Variants in PDZD2 observed in about 807,000 individuals in gnomAD.
PDZD2 encodes the protein PDZ domain-containing protein 2.
A neutral mutation model predicts 220.7 loss-of-function variants in PDZD2; 90 were observed. That is an observed-to-expected ratio of 0.41 (90% CI 0.34 to 0.49). The LOEUF (loss-of-function observed/expected upper bound fraction) is 0.49, where lower values mean the gene tolerates loss of function less well. Among genes scored for constraint, PDZD2 ranks in the 20% least tolerant of loss-of-function variants. The pLI, the probability that PDZD2 is intolerant of heterozygous loss-of-function variation, is 0.28. For missense variants in PDZD2, 3,174 were observed against 3,608.5 expected (o/e 0.88, Z 3.08); for synonymous variants, 1,375 against 1,450.5 (o/e 0.95, Z 1.18).
chr5:31,685,492 C>T (rs181093899), intron 1 of PDZD2, among the ~76,000 whole-genome samples: 17 of 152,244 alleles, frequency 1.1e-4, no homozygotes, highest in South Asian at 2.1e-4. Flanking sequence ...CTGCCTCGTC[C>T]GCATGCATAC....
At chr5:31,821,676 G>C in intron 2 of PDZD2, among the ~76,000 whole-genome samples, 1 of 152,136 alleles carries the variant, frequency 6.6e-6, no homozygotes, top group Non-Finnish European at 1.5e-5. Context: ...ACTGTGCCCG[G>C]CCATGATTTT....
chr5:31,923,761 G>A (rs1232472776), intron 2 of PDZD2, among the ~76,000 whole-genome samples: 1 of 152,220 alleles, frequency 6.6e-6, no homozygotes, highest in Non-Finnish European at 1.5e-5. Flanking sequence ...TACACTTGCA[G>A]TAAGTCACAG....
At chr5:31,929,782 A>C (rs72757984) in intron 2 of PDZD2, among the ~76,000 whole-genome samples, 1 of 151,786 alleles carries the variant, frequency 6.6e-6, no homozygotes, top group African/African-American at 2.4e-5. Context: ...TAGCATGACT[A>C]TCTGTGGGTT....
At chr5:31,757,453 G>C (rs960288310) in intron 1 of PDZD2, among the ~76,000 whole-genome samples, 1 of 152,042 alleles carries the variant, frequency 6.6e-6, no homozygotes, top group Admixed American at 6.6e-5. Context: ...TTAGCCGGGC[G>C]TGGTGGCGGA....
intron 6 of PDZD2, among the ~76,000 whole-genome samples, chr5:32,017,109 G>A (rs1474978159): frequency 1.3e-5 from 2 of 152,122 alleles, no homozygotes; most frequent in Non-Finnish European, 2.9e-5. Context: ...AGCTTTGGTC[G>A]CCTTCCACTG....
chr5:32,009,358 T>A (rs911677057), intron 5 of PDZD2, among the ~76,000 whole-genome samples: 11 of 150,728 alleles, frequency 7.3e-5, no homozygotes, highest in African/African-American at 2.4e-4. Context: ...AAATAAAAAT[T>A]AAAATTAAAA....
At chr5:31,908,077 C>T (rs1300187042) in intron 2 of PDZD2, among the ~76,000 whole-genome samples, 1 of 97,534 alleles carries the variant, frequency 1.0e-5, no homozygotes, top group East Asian at 2.5e-4. Context: ...AGCCAGGCTC[C>T]GTCTCAAAAA....
intron 7 of PDZD2, among the ~76,000 whole-genome samples, chr5:32,042,229 T>A (rs1756242272): frequency 6.9e-6 from 1 of 144,770 alleles, no homozygotes; most frequent in Non-Finnish European, 1.5e-5. Flanking sequence ...ACCACTGCAC[T>A]CCAGCCTGGG....
chr5:32,045,004 A>G (rs536894394), intron 7 of PDZD2, among the ~76,000 whole-genome samples: 1 of 152,356 alleles, frequency 6.6e-6, no homozygotes, highest in South Asian at 2.1e-4. Context: ...TTGGATATTT[A>G]GTTCATGTTT....
intron 1 of PDZD2, among the ~76,000 whole-genome samples, chr5:31,706,291 T>C (rs530889586): frequency 6.6e-6 from 1 of 152,112 alleles, no homozygotes; most frequent in Non-Finnish European, 1.5e-5. Flanking sequence ...CATGGAGTAA[T>C]AGGTTCAGCA....
chr5:31,694,467 T>G (rs1045617386), intron 1 of PDZD2, among the ~76,000 whole-genome samples: 1 of 152,232 alleles, frequency 6.6e-6, no homozygotes, highest in Non-Finnish European at 1.5e-5. Flanking sequence ...TTTGGCTGTC[T>G]TCAGCCATAG....
chr5:31,766,422 T>C (rs946537822), intron 1 of PDZD2, among the ~76,000 whole-genome samples: 2 of 152,182 alleles, frequency 1.3e-5, no homozygotes, highest in African/African-American at 4.8e-5. Context: ...CTCTGCCGCC[T>C]AGGCTGGAGT....
intron 2 of PDZD2, among the ~76,000 whole-genome samples, chr5:31,912,442 A>AC (rs1329136782): frequency 6.6e-6 from 1 of 151,870 alleles, no homozygotes; most frequent in African/African-American, 2.4e-5. Context: ...TAAAATCCTA[A>AC]CCCCCAAGGG....
chr5:31,831,966 G>A (rs1385277704), intron 2 of PDZD2, among the ~76,000 whole-genome samples: 2 of 149,106 alleles, frequency 1.3e-5, no homozygotes, highest in African/African-American at 5.0e-5. Context: ...AAGTATAAAT[G>A]GAGTGAAAAT....
chr5:32,037,482 CCAGG>C, intron 7 of PDZD2, 140 bp downstream of exon 7: 2 of 606,226 alleles, frequency 3.3e-6, no homozygotes, highest in Non-Finnish European at 2.9e-6. Context: ...GGTGCATATC[CCAGG>C]CATAACAACT....
At chr5:31,789,560 C>T (rs1457518117) in intron 1 of PDZD2, among the ~76,000 whole-genome samples, 1 of 152,216 alleles carries the variant, frequency 6.6e-6, no homozygotes, top group African/African-American at 2.4e-5. Flanking sequence ...TCCATCAGTG[C>T]TAGATAGGGC....
chr5:31,716,426 G>C (rs535384850), intron 1 of PDZD2, among the ~76,000 whole-genome samples: 3 of 152,310 alleles, frequency 2.0e-5, no homozygotes, highest in South Asian at 4.2e-4. Context: ...GAAGGAAATT[G>C]AGGGGAAAGT....
chr5:31,681,901 G>T (rs1218965003), intron 1 of PDZD2, among the ~76,000 whole-genome samples: 2 of 152,116 alleles, frequency 1.3e-5, no homozygotes, highest in Admixed American at 6.5e-5. Flanking sequence ...TTTAAAAGAA[G>T]GAATGCTGGA....
intron 1 of PDZD2, among the ~76,000 whole-genome samples, chr5:31,679,470 T>TTGTGG (rs1370317024): frequency 4.1e-5 from 5 of 123,170 alleles, no homozygotes; most frequent in African/African-American, 3.2e-5. Context: ...TTGTACTGTG[T>TTGTGG]TGTGGTGTGT....
Sources: gnomAD v4.1 joint callset for allele counts (sites outside exome capture counted in the v4.1 genomes callset) on GRCh38, gnomAD v4.1.1 for gene constraint, MANE v1.5 for transcripts, NCBI Gene and HGNC (gene_info 2026-07-23, HGNC 2026-07-21) for gene names.